The following COLGALT2 variants were observed in gnomAD, a reference collection of about 807,000 sequenced individuals.
The protein encoded by COLGALT2 is collagen beta(1-O)galactosyltransferase 2, also known as procollagen galactosyltransferase 2.
COLGALT2 carries 49 observed loss-of-function variants against 73.4 expected under a neutral mutation model. That is an observed-to-expected ratio of 0.67 (90% CI 0.53 to 0.85). COLGALT2 has a LOEUF of 0.85. Among genes scored for constraint, COLGALT2 ranks in the 40% least tolerant of loss-of-function variants. COLGALT2 has a pLI of 0.00. For missense variants in COLGALT2, 722 were observed against 790.2 expected (o/e 0.91, Z 1.03); for synonymous variants, 295 against 307.6 (o/e 0.96, Z 0.43).
intron 1 of COLGALT2, among the ~76,000 whole-genome samples, chr1:184,034,779 T>G (rs914910260): frequency 2.0e-5 from 3 of 152,360 alleles, no homozygotes; most frequent in Middle Eastern, 3.4e-3. Flanking sequence ...TAAATAAATG[T>G]AATTTTGAGT....
At chr1:184,036,421 AC>A (rs2102866340) in intron 1 of COLGALT2, among the ~76,000 whole-genome samples, 1 of 152,244 alleles carries the variant, frequency 6.6e-6, no homozygotes, top group South Asian at 2.1e-4. Flanking sequence ...GGGACGTGGA[AC>A]CCCGATGCAC....
chr1:183,944,769 A>G (rs1670206105), intron 9 of COLGALT2, among the ~76,000 whole-genome samples: 1 of 152,030 alleles, frequency 6.6e-6, no homozygotes, highest in Non-Finnish European at 1.5e-5. Flanking sequence ...GGTTTGTGAA[A>G]TTTCCCTGAG....
chr1:184,016,224 T>A lies in COLGALT2; in HGVS notation c.263+20871A>T, dbSNP rs571630880. On this transcript the variant is annotated intron_variant, in intron 1 of 11. Coordinates refer to ENST00000361927, the MANE Select transcript of COLGALT2 (RefSeq NM_015101.4). ...TCATTCACTGAATTACACCAAAGAT[T>A]CAGTAAAAATTATATAGCAAATCTG... Among the ~76,000 whole-genome samples, 12 of 152,334 alleles carry A rather than the reference T, an allele frequency of 7.9e-5. No homozygotes were observed. The East Asian group carries it at 2.1e-3, about 27-fold the overall frequency.
intron 1 of COLGALT2, among the ~76,000 whole-genome samples, chr1:183,995,762 A>T (rs1325187641): frequency 6.6e-6 from 1 of 151,968 alleles, no homozygotes; most frequent in Non-Finnish European, 1.5e-5. Flanking sequence ...TAATACATGT[A>T]AGTTTATTGT....
rs751449019 is a variant in COLGALT2, at chr1:184,037,101, G to C, written c.257C>G (p.Ala86Gly). 6 of 1,579,434 alleles carry C rather than the reference G, an allele frequency of 3.8e-6. No homozygotes were observed. The highest frequency in any genetic ancestry group is 5.1e-6 in the Non-Finnish European group (6 of 1,166,328). ...GGGGCCCGTGCGCGCTCACCAGATG[G>C]CCATCCTGCTCTTGGGGTAGTCCAG... ...ERLDYPKSRMAIWAATDHNVD... is the reference protein window; with the variant it reads ...ERLDYPKSRMGIWAATDHNVD... The change falls in exon 1 of 12, where the codon GCC (alanine) becomes GGC (glycine). Residue 86 changes from alanine (A) to glycine (G), a missense_variant. By Grantham distance (60) the Ala-to-Gly change is moderately conservative. Coordinates refer to ENST00000361927, the MANE Select transcript of COLGALT2 (RefSeq NM_015101.4).
chr1:183,973,564 G>T, intron 4 of COLGALT2, 52 bp downstream of exon 4: 1 of 1,607,972 alleles, frequency 6.2e-7, no homozygotes, highest in Non-Finnish European at 8.5e-7. Context: ...TGTTGACCGG[G>T]TGTTGCCTTG....
At chr1:184,006,258 A>G (rs1672077165) in intron 1 of COLGALT2, among the ~76,000 whole-genome samples, 1 of 152,030 alleles carries the variant, frequency 6.6e-6, no homozygotes. Context: ...TTTAACTGCA[A>G]CTCTGGTTAT....
chr1:183,964,154 G>A, intron 5 of COLGALT2, 134 bp from the exon 6 acceptor site: 3 of 925,208 alleles, frequency 3.2e-6, no homozygotes, highest in Non-Finnish European at 4.8e-6. Flanking sequence ...TTTCAGGTAT[G>A]TCTATAGACC....
intron 1 of COLGALT2, among the ~76,000 whole-genome samples, chr1:183,985,510 T>C (rs964650822): frequency 6.6e-6 from 1 of 152,142 alleles, no homozygotes; most frequent in Non-Finnish European, 1.5e-5. Flanking sequence ...GATCCTCAGG[T>C]GATCCACCCG....
intron 4 of COLGALT2, among the ~76,000 whole-genome samples, chr1:183,972,549 T>A (rs1671069127): frequency 6.6e-6 from 1 of 151,996 alleles, no homozygotes; most frequent in African/African-American, 2.4e-5. Flanking sequence ...TTTTGAAGAT[T>A]TTACTATGAA....
intron 10 of COLGALT2, among the ~76,000 whole-genome samples, chr1:183,942,138 C>T (rs1290605458): frequency 1.3e-5 from 2 of 151,978 alleles, no homozygotes; most frequent in African/African-American, 2.4e-5. Flanking sequence ...TTACTAGAGA[C>T]GTGGTTTCAC....
intron 1 of COLGALT2, among the ~76,000 whole-genome samples, chr1:183,999,470 C>A (rs116214530): frequency 0.018 from 2,811 of 152,066 alleles, 87 homozygotes; most frequent in African/African-American, 0.063. Context: ...GTTAACCTCA[C>A]GAAATAAATT....
intron 1 of COLGALT2, among the ~76,000 whole-genome samples, chr1:184,012,410 A>G (rs1204709432): frequency 1.3e-5 from 2 of 152,208 alleles, no homozygotes; most frequent in African/African-American, 4.8e-5. Context: ...TTTAAACAAA[A>G]TGAAAACATG....
intron 1 of COLGALT2, among the ~76,000 whole-genome samples, chr1:183,990,717 G>A (rs55658841): frequency 0.043 from 6,563 of 152,270 alleles, 510 homozygotes; most frequent in African/African-American, 0.15. Flanking sequence ...GAGGCAGAAA[G>A]GGATGAAAGA....
chr1:183,974,976 G>C (rs970073823), intron 3 of COLGALT2, 121 bp downstream of exon 3: 1 of 664,694 alleles, frequency 1.5e-6, no homozygotes, highest in Non-Finnish European at 2.6e-6. Context: ...CTTAAAAAGT[G>C]GGGGAGGCAC....
intron 1 of COLGALT2, among the ~76,000 whole-genome samples, chr1:184,016,899 AT>A (rs2102851844): frequency 6.6e-6 from 1 of 152,354 alleles, no homozygotes; most frequent in African/African-American, 2.4e-5. Context: ...GCAAATATCT[AT>A]ATCTTTTTGT....
chr1:183,993,568 G>A (rs1023966955), intron 1 of COLGALT2, among the ~76,000 whole-genome samples: 1 of 152,090 alleles, frequency 6.6e-6, no homozygotes, highest in Non-Finnish European at 1.5e-5. Context: ...AGGACCCAAT[G>A]ACTCCCTGAG....
Position 183,937,458 on chromosome 1 carries a change from T to C in COLGALT2, c.*1303A>G. On this transcript the variant is annotated 3_prime_UTR_variant, in exon 12 of 12. Transcript: ENST00000361927. ...GAAAGCAGAAAGGACTCTTAGGGGA[T>C]ATCTTTTGAGAAAGGGTGTCCGCCT... is the stretch of plus-strand genomic sequence containing the variant. 2 of 985,850 alleles carry C rather than the reference T, an allele frequency of 2.0e-6. No homozygotes were observed. Among genetic ancestry groups the C allele is most frequent in the Non-Finnish European group, 2.4e-6 (2 of 830,222 alleles). 61.1% of individuals were successfully genotyped at this position (985,850 alleles called of 1,614,324 possible).
rs766606658 is a variant in COLGALT2 at position 183,940,734 on chromosome 1, T to C, written c.1451A>G (p.Asn484Ser). The change falls in exon 11 of 12, where the codon AAT (asparagine) becomes AGT (serine). Residue 484 changes from asparagine (N) to serine (S), a missense_variant. Coordinates refer to ENST00000361927, the MANE Select transcript of COLGALT2 (RefSeq NM_015101.4). ...QVKEPEKAVP[N>S]VANLVEADYS... is the part of the protein sequence containing the mutation. ...GTCGGCTTCGACCAGGTTTGCCACA[T>C]TGGGCACTGCTTTCTCTGGCTCCTT... 80 of 1,614,094 alleles carry C rather than the reference T, an allele frequency of 5.0e-5. No homozygotes were observed. The highest frequency in any genetic ancestry group is 6.5e-5 in the Non-Finnish European group (77 of 1,180,046).
Sources: gnomAD v4.1 joint callset for allele counts (sites outside exome capture counted in the v4.1 genomes callset) on GRCh38, gnomAD v4.1.1 for gene constraint, MANE v1.5 for transcripts, NCBI Gene and HGNC (gene_info 2026-07-23, HGNC 2026-07-21) for gene names.